The following ZFHX4 variants were observed in gnomAD, a reference collection of about 807,000 sequenced individuals.
ZFHX4 encodes the protein zinc finger homeobox protein 4.
A neutral mutation model predicts 267.6 loss-of-function variants in ZFHX4; 56 were observed. The ratio of observed to expected loss-of-function variants is 0.21; its 90% CI spans 0.17 to 0.26. The LOEUF is 0.26. Among genes scored for constraint, ZFHX4 ranks in the 10% least tolerant of loss-of-function variants. ZFHX4 has a pLI of 1.00. For missense variants in ZFHX4, 4,332 were observed against 4,420.0 expected (o/e 0.98, Z 0.56); for synonymous variants, 1,778 against 1,665.6 (o/e 1.07, Z -1.64).
At chr8:76,825,670 G>A (rs1457853357) in intron 4 of ZFHX4, among the ~76,000 whole-genome samples, 1 of 152,232 alleles carries the variant, frequency 6.6e-6, no homozygotes, top group Non-Finnish European at 1.5e-5. Context: ...CAGCAAGAGT[G>A]AATGATGGTT....
At position 76,865,111 on chromosome 8, in the gene ZFHX4, A is replaced by G. The variant is rs1812993554; in HGVS notation, c.*546A>G. ...TGTGTTTAGTGTACAAAGAGACTTTATAACCCTTACTGGACAACACACAGA... is the reference window on the plus strand; with the variant it reads ...TGTGTTTAGTGTACAAAGAGACTTTGTAACCCTTACTGGACAACACACAGA... On this transcript the variant is annotated 3_prime_UTR_variant, in exon 11 of 11. Coordinates refer to ENST00000651372, the MANE Select transcript of ZFHX4 (RefSeq NM_024721.5). 6.5e-6 allele frequency: 1 copy of G among 153,050 alleles called. No homozygotes were observed. The highest frequency in any genetic ancestry group is 1.5e-5 in the Non-Finnish European group (1 of 68,362). 9.5% of individuals were successfully genotyped at this position (153,050 alleles called of 1,614,324 possible).
In ZFHX4 at chr8:76,702,963, G is replaced by GACACACAC. The variant is rs33934020; in HGVS notation, c.-46-1060_-46-1053dup. ...TACAGTAGCTGAGGTTCTCAGGCAA[G>GACACACAC]ACACACACACACACACACACACACA... On this transcript the variant is annotated intron_variant, in intron 1 of 10. Coordinates refer to ENST00000651372, the MANE Select transcript of ZFHX4 (RefSeq NM_024721.5). Among the ~76,000 whole-genome samples, 300 of 147,678 alleles carry GACACACAC rather than the reference G, an allele frequency of 2.0e-3. 1 individual carries two copies. Among genetic ancestry groups the GACACACAC allele is most frequent in the East Asian group, 6.8e-3 (34 of 5,014 alleles).
intron 3 of ZFHX4, among the ~76,000 whole-genome samples, chr8:76,723,919 G>C (rs951901564): frequency 1.3e-5 from 2 of 151,978 alleles, no homozygotes; most frequent in African/African-American, 4.8e-5. Flanking sequence ...GCCAGGGCTG[G>C]AATGAATGGA....
chr8:76,756,268 T>C (rs1312116767), intron 3 of ZFHX4, among the ~76,000 whole-genome samples: 2 of 152,228 alleles, frequency 1.3e-5, no homozygotes, highest in African/African-American at 4.8e-5. Flanking sequence ...CAAATGTTTA[T>C]TTCACATGCT....
intron 3 of ZFHX4, among the ~76,000 whole-genome samples, chr8:76,750,078 G>A (rs1295981627): frequency 6.6e-6 from 1 of 152,062 alleles, no homozygotes; most frequent in Admixed American, 6.6e-5. Context: ...AATTCTATGA[G>A]AACCAGACCA....
intron 3 of ZFHX4, among the ~76,000 whole-genome samples, chr8:76,713,756 T>C (rs558143376): frequency 1.3e-5 from 2 of 152,298 alleles, no homozygotes; most frequent in South Asian, 2.1e-4. Context: ...TTTTTCAGCG[T>C]GCATTTTTTA....
intron 3 of ZFHX4, among the ~76,000 whole-genome samples, chr8:76,714,210 C>T (rs965189614): frequency 4.3e-4 from 66 of 152,054 alleles, no homozygotes; most frequent in East Asian, 1.9e-4. Context: ...TAATAGTCCC[C>T]GTCATTGGAG....
chr8:76,752,478 C>T (rs1168975148), intron 3 of ZFHX4, among the ~76,000 whole-genome samples: 5 of 96,692 alleles, frequency 5.2e-5, no homozygotes, highest in African/African-American at 2.6e-4. Context: ...CCTGTCTCTA[C>T]CAAAAATCCA....
Position 76,854,532 on chromosome 8 carries a change from C to T in ZFHX4, c.7611C>T (p.Tyr2537=). ...TGGAAAGGCCCATGGACATGCCCTA[C>T]ATGATATTTGACCCCAACAATCCGC... The part of the protein sequence containing the change: ...PFLERPMDMP[Y]MIFDPNNPLM... Residue 2537 remains tyrosine (Y), a synonymous_variant, in exon 10 of 11, where the codon TAC becomes TAT. Transcript: ENST00000651372. 6.2e-7 allele frequency: 1 copy of T among 1,613,950 alleles called. No homozygotes were observed. Among genetic ancestry groups the T allele is most frequent in the South Asian group, 1.1e-5 (1 of 91,080 alleles).
Position 76,851,099 on chromosome 8 carries a change from A to C in ZFHX4, c.4178A>C (p.His1393Pro). 6.2e-7 allele frequency: 1 copy of C among 1,614,022 alleles called. No homozygotes were observed. The highest frequency in any genetic ancestry group is 8.5e-7 in the Non-Finnish European group (1 of 1,179,880). ...KRQPLSVSDR[H>P]VYKYRCNHCS... is the part of the protein sequence containing the mutation. ...CAACCGCTCTCTGTTTCTGACCGTC[A>C]TGTCTACAAGTATCGCTGTAACCAT... Residue 1393 changes from histidine (H) to proline (P), a missense_variant, in exon 10 of 11, where the codon CAT becomes CCT. Coordinates refer to ENST00000651372, the MANE Select transcript of ZFHX4 (RefSeq NM_024721.5).
rs530655894 is a variant in ZFHX4 at position 76,728,044 on chromosome 8, A to G, written c.3093+19996A>G. On this transcript the variant is annotated intron_variant, in intron 3 of 10. Coordinates refer to ENST00000651372, the MANE Select transcript of ZFHX4 (RefSeq NM_024721.5). ...AAAAGCAACAAATAAGCAGAAACCT[A>G]TTACATTCTGAGCCATTATACCTTA... 5.1e-4 allele frequency among the ~76,000 whole-genome samples: 78 copies of G among 152,306 alleles called. 1 individual carries two copies. The highest frequency in any genetic ancestry group is 2.0e-3 in the Admixed American group (30 of 15,294).
chr8:76,720,736 G>A (rs1170179862), intron 3 of ZFHX4, among the ~76,000 whole-genome samples: 2 of 152,124 alleles, frequency 1.3e-5, no homozygotes, highest in Non-Finnish European at 2.9e-5. Flanking sequence ...GGTAGCATAT[G>A]TTGAGCACTT....
At chr8:76,734,619 C>G (rs1411546906) in intron 3 of ZFHX4, among the ~76,000 whole-genome samples, 2 of 152,238 alleles carry the variant, frequency 1.3e-5, no homozygotes, top group East Asian at 3.9e-4. Context: ...CTGAGTATCA[C>G]TGGATCATTT....
chr8:76,835,237 A>G (rs989909135), intron 5 of ZFHX4, among the ~76,000 whole-genome samples: 1 of 115,238 alleles, frequency 8.7e-6, no homozygotes, highest in African/African-American at 4.4e-5. Flanking sequence ...ATATATATAT[A>G]TATGTATATA....
At chr8:76,737,141 C>A (rs1809184522) in intron 3 of ZFHX4, among the ~76,000 whole-genome samples, 1 of 152,148 alleles carries the variant, frequency 6.6e-6, no homozygotes, top group Non-Finnish European at 1.5e-5. Flanking sequence ...TCTACAATCA[C>A]AGTGTTTTAC....
At chr8:76,803,947 C>A (rs748748503) in intron 4 of ZFHX4, among the ~76,000 whole-genome samples, 5 of 152,186 alleles carry the variant, frequency 3.3e-5, no homozygotes, top group Non-Finnish European at 7.4e-5. Context: ...AATACTCCTG[C>A]ATTAACATTT....
chr8:76,755,347 G>A (rs1187473512), intron 3 of ZFHX4, among the ~76,000 whole-genome samples: 2 of 152,020 alleles, frequency 1.3e-5, no homozygotes, highest in Non-Finnish European at 2.9e-5. Flanking sequence ...CAAATTATTA[G>A]TCTCGTGATT....
At chr8:76,734,157 C>T (rs1349740348) in intron 3 of ZFHX4, among the ~76,000 whole-genome samples, 2 of 152,106 alleles carry the variant, frequency 1.3e-5, no homozygotes, top group Admixed American at 6.6e-5. Context: ...ATGTTTAGAA[C>T]ATATTTATAA....
chr8:76,705,374 C>T lies in ZFHX4; in HGVS notation c.1286C>T (p.Ser429Leu), dbSNP rs751284629. 16 of 1,613,926 alleles carry T rather than the reference C, an allele frequency of 9.9e-6. No homozygotes were observed. The highest frequency in any genetic ancestry group is 5.9e-6 in the Non-Finnish European group (7 of 1,179,888). Residue 429 changes from serine (S) to leucine (L), a missense_variant, in exon 2 of 11, where the codon TCG (serine) becomes TTG (leucine). By Grantham distance (145) the Ser-to-Leu change is moderately radical (BLOSUM62 -2). This residue lies in a region of ZFHX4 where 1,195 missense variants were observed against 1,173.6 expected (regional missense o/e 1.02). Transcript: ENST00000651372. ...PITSVSLSHSSSESSKMSESK... is the reference protein window; with the variant it reads ...PITSVSLSHSLSESSKMSESK... ...ACCTCTGTCTCCCTCAGCCACTCAT[C>T]GTCTGAGTCTAGCAAGATGTCAGAG...
Sources: gnomAD v4.1 joint callset for allele counts (sites outside exome capture counted in the v4.1 genomes callset) on GRCh38, gnomAD v4.1.1 for gene constraint, gnomAD v4.1.1 regional missense constraint, MANE v1.5 for transcripts, NCBI Gene and HGNC (gene_info 2026-07-23, HGNC 2026-07-21) for gene names.